The following PIWIL1 variants were observed in gnomAD, a reference collection of about 807,000 sequenced individuals.
The protein encoded by PIWIL1 is piwi-like protein 1.
In PIWIL1, 73 loss-of-function variants were observed where a neutral mutation model predicts 114.4. That is an observed-to-expected ratio of 0.64 (90% CI 0.53 to 0.78). The LOEUF is 0.78. Among genes scored for constraint, PIWIL1 ranks in the 30% least tolerant of loss-of-function variants. The probability of loss-of-function intolerance (pLI) is 0.00; values close to 1 mark genes in which losing one functional copy is unlikely to be tolerated. For synonymous variants in PIWIL1, 375 were observed against 369.0 expected (o/e 1.02, Z -0.19); for missense variants, 723 against 1,063.1 (o/e 0.68, Z 4.45).
At chr12:130,407,500 T>C in the PIWIL1 span, among the ~76,000 whole-genome samples, 1 of 152,206 alleles carries the variant, frequency 6.6e-6, no homozygotes, top group Admixed American at 6.5e-5. Flanking sequence ...ATCTGGGCCA[T>C]GGGGACAGGG....
intron 1 of PIWIL1, among the ~76,000 whole-genome samples, chr12:130,339,233 C>T (rs2072826814): frequency 1.3e-5 from 2 of 152,080 alleles, no homozygotes; most frequent in South Asian, 4.1e-4. Flanking sequence ...GCGGCCCGGC[C>T]CTTGGCACCT....
chr12:130,393,655 A>AT, the PIWIL1 span, among the ~76,000 whole-genome samples: 6 of 150,962 alleles, frequency 4.0e-5, no homozygotes, highest in African/African-American at 1.5e-4. Flanking sequence ...CCGGTATTGG[A>AT]TTTTTTTGTG....
chr12:130,399,636 C>T, the PIWIL1 span: 2 of 1,607,510 alleles, frequency 1.2e-6, no homozygotes, highest in Admixed American at 3.3e-5. Context: ...CCACATATGG[C>T]AGAACGGGAC....
chr12:130,385,817 T>A, the PIWIL1 span, among the ~76,000 whole-genome samples: 1 of 152,232 alleles, frequency 6.6e-6, no homozygotes. Flanking sequence ...ATTAAAGCTG[T>A]TGAAAAATGT....
In PIWIL1 at chr12:130,342,979, T is replaced by C. The variant is rs1373815791; in HGVS notation, c.79-11T>C. The C allele has an allele frequency of 1.9e-6, 3 of 1,600,134 alleles. No individual in the cohort carries two copies. The highest frequency in any genetic ancestry group is 2.6e-6 in the Non-Finnish European group (3 of 1,167,400). ...ACGAAAAGAATGTTCTTTATTTGCATGTAACTACAGAGTCAGCAACCTGGT... is the reference window on the plus strand; with the variant it reads ...ACGAAAAGAATGTTCTTTATTTGCACGTAACTACAGAGTCAGCAACCTGGT... On this transcript the variant is annotated splice_polypyrimidine_tract_variant and intron_variant, in intron 2 of 20. Coordinates refer to ENST00000245255, the MANE Select transcript of PIWIL1 (RefSeq NM_004764.5).
chr12:130,361,527 T>C lies in PIWIL1; in HGVS notation c.1896T>C (p.Asp632=). ...PLKLVMIVGI[D]CYHDMTAGRR... is the part of the protein sequence containing the mutation. ...AGCTCGTGATGATCGTTGGCATCGA[T>C]TGTTACCATGACATGACAGCTGGGC... Residue 632 remains aspartate, a synonymous_variant, in exon 16 of 21, where the codon GAT becomes GAC. Coordinates refer to ENST00000245255, the MANE Select transcript of PIWIL1 (RefSeq NM_004764.5). The C allele has an allele frequency of 6.2e-7, 1 of 1,614,240 alleles. No homozygotes were observed. The highest frequency in any genetic ancestry group is 8.5e-7 in the Non-Finnish European group (1 of 1,180,036).
At chr12:130,389,398 TA>T in the PIWIL1 span, among the ~76,000 whole-genome samples, 5 of 152,114 alleles carry the variant, frequency 3.3e-5, no homozygotes, top group African/African-American at 1.2e-4. Flanking sequence ...TTCTTTTTGT[TA>T]AACTCTCTAG....
At chr12:130,425,039 G>A in the PIWIL1 span, 11 of 405,326 alleles carry the variant, frequency 2.7e-5, no homozygotes, top group African/African-American at 2.1e-4. Context: ...AAACAGAATG[G>A]GTTACGGGGC....
chr12:130,402,565 T>G, the PIWIL1 span, among the ~76,000 whole-genome samples: 1 of 152,124 alleles, frequency 6.6e-6, no homozygotes, highest in Non-Finnish European at 1.5e-5. Context: ...CTAAAAAAAT[T>G]TCACCTTGAC....
Position 130,354,919 on chromosome 12 carries a change from C to G in PIWIL1, c.1203C>G (p.Asn401Lys), listed in dbSNP as rs368086386. 6.2e-7 allele frequency: 1 copy of G among 1,613,326 alleles called. No individual in the cohort carries two copies. Among genetic ancestry groups the G allele is most frequent in the Middle Eastern group, 1.6e-4 (1 of 6,062 alleles). ...GLTDKMRNDF[N>K]VMKDLAVHTR... The stretch of plus-strand genomic sequence containing the variant: ...CTGATAAAATGCGTAATGATTTTAA[C>G]GTGATGAAAGACTTAGCCGTTCATA... The change falls in exon 11 of 21, where the codon AAC (asparagine) becomes AAG (lysine). Residue 401 changes from asparagine (N) to lysine (K), a missense_variant. Asn to Lys is a moderately conservative substitution (Grantham distance 94). This residue lies in a region of PIWIL1 where 298 missense variants were observed against 420.8 expected (regional missense o/e 0.71). Coordinates refer to ENST00000245255, the MANE Select transcript of PIWIL1 (RefSeq NM_004764.5).
chr12:130,407,784 C>T, the PIWIL1 span: 1 of 1,614,150 alleles, frequency 6.2e-7, no homozygotes, highest in Non-Finnish European at 8.5e-7. Context: ...GGCCACCATT[C>T]TCCGCGTCGA....
chr12:130,395,978 A>C, the PIWIL1 span, among the ~76,000 whole-genome samples: 1 of 150,546 alleles, frequency 6.6e-6, no homozygotes, highest in African/African-American at 2.4e-5. Flanking sequence ...CAACATTGTC[A>C]ATGGCTCCCA....
chr12:130,385,207 T>G, the PIWIL1 span, among the ~76,000 whole-genome samples: 1 of 152,258 alleles, frequency 6.6e-6, no homozygotes, highest in Non-Finnish European at 1.5e-5. Flanking sequence ...TTTACCAGCC[T>G]GTCCACAGTG....
intron 1 of PIWIL1, chr12:130,339,812 G>T (rs2072851900): frequency 6.6e-6 from 1 of 152,172 alleles, no homozygotes; most frequent in Non-Finnish European, 1.5e-5. Context: ...GCTGAGAGCC[G>T]CTCCCCACCC....
In PIWIL1 at chr12:130,371,314, C is replaced by T. The variant is rs775558906; in HGVS notation, c.2460C>T (p.Tyr820=). The change falls in exon 20 of 21, where the codon TAC becomes TAT. Residue 820 remains tyrosine (Y), a synonymous_variant. Coordinates refer to ENST00000245255, the MANE Select transcript of PIWIL1 (RefSeq NM_004764.5). ...RLTYKLCHIY[Y]NWPGVIRVPA... ...CCTACAAGCTGTGCCACATCTATTACAACTGGCCAGTAAGTGCTTCTACTT... is the reference window on the plus strand; with the variant it reads ...CCTACAAGCTGTGCCACATCTATTATAACTGGCCAGTAAGTGCTTCTACTT... The T allele has an allele frequency of 1.2e-6, 2 of 1,614,090 alleles. No individual in the cohort carries two copies. The highest frequency in any genetic ancestry group is 2.7e-5 in the African/African-American group (2 of 74,944).
chr12:130,370,559 G>A (rs2073791272), intron 19 of PIWIL1, among the ~76,000 whole-genome samples: 1 of 152,144 alleles, frequency 6.6e-6, no homozygotes, highest in Non-Finnish European at 1.5e-5. Flanking sequence ...GGTATCCTCA[G>A]GAGGTCCTGG....
Position 130,345,581 on chromosome 12 carries a change from C to T in PIWIL1, c.191-172C>T. 5 of 624,362 alleles carry T rather than the reference C, an allele frequency of 8.0e-6. No individual in the cohort carries two copies. In the South Asian group the frequency reaches 8.9e-5, roughly 11 times the overall value. 38.7% of individuals were successfully genotyped at this position (624,362 alleles called of 1,614,324 possible). A position where few individuals can be genotyped will look rare whatever the true frequency, so the allele number is the denominator to read the frequency against. ...TATGAATGAAGTTATAACTAGGAAA[C>T]CATTCTCTCGTTAGGCTGGCAGATA... On this transcript the variant is annotated intron_variant, in intron 3 of 20. Coordinates refer to ENST00000245255, the MANE Select transcript of PIWIL1 (RefSeq NM_004764.5).
At position 130,362,851 on chromosome 12, in the gene PIWIL1, G is replaced by A. The variant is rs1165193288; in HGVS notation, c.2041+15G>A. The A allele has an allele frequency of 6.2e-7, 1 of 1,613,148 alleles. No individual in the cohort carries two copies. Among genetic ancestry groups the A allele is most frequent in the African/African-American group, 1.3e-5 (1 of 74,900 alleles). On this transcript the variant is annotated intron_variant, in intron 17 of 20. Coordinates refer to ENST00000245255, the MANE Select transcript of PIWIL1 (RefSeq NM_004764.5). ...CTGCCTGCAAGGTTAGTCACCTGTG[G>A]GGTTGCCATTCTACTCTCTAAACTG...
At chr12:130,357,232 T>C in intron 13 of PIWIL1, 127 bp downstream of exon 13, 3 of 781,688 alleles carry the variant, frequency 3.8e-6, no homozygotes, top group Non-Finnish European at 6.0e-6. Context: ...GTAATGCAGA[T>C]AAACAGAAAC....
Sources: gnomAD v4.1 joint callset for allele counts (sites outside exome capture counted in the v4.1 genomes callset) on GRCh38, gnomAD v4.1.1 for gene constraint, gnomAD v4.1.1 regional missense constraint, MANE v1.5 for transcripts, NCBI Gene and HGNC (gene_info 2026-07-23, HGNC 2026-07-21) for gene names.